The following CATSPERT variants were observed in gnomAD, a reference collection of about 807,000 sequenced individuals.
The protein encoded by CATSPERT is cation channel sperm-associated targeting subunit tau.
the CATSPERT span, chr2:201,565,956 T>G: frequency 9.3e-6 from 12 of 1,285,096 alleles, no homozygotes; most frequent in Admixed American, 2.7e-5. Flanking sequence ...TTTTGAACCC[T>G]TCTCTTTTAC....
chr2:201,487,560 TATC>T, the CATSPERT span: 1 of 1,503,528 alleles, frequency 6.7e-7, no homozygotes, highest in Non-Finnish European at 9.1e-7. Context: ...TGGCCTCACA[TATC>T]ATTCTGAGTT....
At chr2:201,600,283 G>T in the CATSPERT span, among the ~76,000 whole-genome samples, 1 of 152,194 alleles carries the variant, frequency 6.6e-6, no homozygotes, top group Non-Finnish European at 1.5e-5. Context: ...CATGTCCTTT[G>T]CAGGGACATG....
chr2:201,491,801 ATTGAG>A, the CATSPERT span: 15 of 1,536,860 alleles, frequency 9.8e-6, no homozygotes, highest in Middle Eastern at 1.7e-4. Context: ...CAAGCTTTTG[ATTGAG>A]TTATTTTTGA....
At chr2:201,542,294 T>C in the CATSPERT span, among the ~76,000 whole-genome samples, 31 of 152,240 alleles carry the variant, frequency 2.0e-4, no homozygotes, top group Non-Finnish European at 3.5e-4. Context: ...AGGTTGTTTC[T>C]ACATCTTGAC....
At chr2:201,617,021 A>C in the CATSPERT span, among the ~76,000 whole-genome samples, 1 of 152,232 alleles carries the variant, frequency 6.6e-6, no homozygotes, top group Non-Finnish European at 1.5e-5. Context: ...GGTTCTCTTC[A>C]AGGAGAACTA....
At chr2:201,491,402 A>G in the CATSPERT span, 1 of 1,537,232 alleles carries the variant, frequency 6.5e-7, no homozygotes, top group Non-Finnish European at 8.7e-7. Flanking sequence ...ACAACCTTAT[A>G]TTGGAATGAC....
At chr2:201,489,477 G>A in the CATSPERT span, among the ~76,000 whole-genome samples, 1 of 152,148 alleles carries the variant, frequency 6.6e-6, no homozygotes, top group South Asian at 2.1e-4. Context: ...AAAATTGAAA[G>A]TATAAGCTGA....
chr2:201,579,941 T>C, the CATSPERT span, among the ~76,000 whole-genome samples: 1 of 151,144 alleles, frequency 6.6e-6, no homozygotes, highest in Admixed American at 6.6e-5. Flanking sequence ...AGTCTCGAAC[T>C]CCTGGGCTCA....
the CATSPERT span, chr2:201,535,934 T>G: frequency 1.9e-6 from 3 of 1,571,436 alleles, no homozygotes; most frequent in Non-Finnish European, 2.6e-6. Flanking sequence ...CAGCTAAGTT[T>G]AGATTGTTGT....
the CATSPERT span, among the ~76,000 whole-genome samples, chr2:201,595,338 G>A: frequency 6.6e-5 from 10 of 151,840 alleles, no homozygotes; most frequent in South Asian, 8.3e-4. Flanking sequence ...ACAGGCGCCC[G>A]CCACCTCGCC....
chr2:201,495,650 G>A, the CATSPERT span, among the ~76,000 whole-genome samples: 1 of 149,106 alleles, frequency 6.7e-6, no homozygotes, highest in Non-Finnish European at 1.5e-5. Flanking sequence ...TCAAATTCTA[G>A]TGGATACCAA....
At chr2:201,559,181 A>G in the CATSPERT span, among the ~76,000 whole-genome samples, 1 of 152,146 alleles carries the variant, frequency 6.6e-6, no homozygotes, top group South Asian at 2.1e-4. Context: ...TGTACCCCCA[A>G]TAAGGGCCAG....
chr2:201,601,065 T>G, the CATSPERT span, among the ~76,000 whole-genome samples: 2 of 152,096 alleles, frequency 1.3e-5, no homozygotes, highest in Non-Finnish European at 2.9e-5. Context: ...TTAAAAAGTT[T>G]TAAGATACAT....
the CATSPERT span, among the ~76,000 whole-genome samples, chr2:201,537,683 A>C: frequency 1.3e-5 from 2 of 151,920 alleles, no homozygotes; most frequent in Non-Finnish European, 2.9e-5. Flanking sequence ...AAATGATAAC[A>C]TTTCAGATCC....
the CATSPERT span, among the ~76,000 whole-genome samples, chr2:201,542,168 G>C: frequency 1.1e-5 from 1 of 89,150 alleles, no homozygotes; most frequent in Non-Finnish European, 2.8e-5. Flanking sequence ...TATGCCCTAG[G>C]AAACAAAAAA....
the CATSPERT span, among the ~76,000 whole-genome samples, chr2:201,500,294 C>T: frequency 6.6e-6 from 1 of 151,994 alleles, no homozygotes; most frequent in African/African-American, 2.4e-5. Flanking sequence ...GTGGGTAGAT[C>T]ACGAGGTCAG....
chr2:201,581,090 T>C, the CATSPERT span, among the ~76,000 whole-genome samples: 1 of 152,164 alleles, frequency 6.6e-6, no homozygotes, highest in Non-Finnish European at 1.5e-5. Flanking sequence ...CTGTACACGA[T>C]AAATATATGC....
At chr2:201,494,169 G>A in the CATSPERT span, 146 of 1,531,892 alleles carry the variant, frequency 9.5e-5, no homozygotes, top group Middle Eastern at 6.7e-4. Flanking sequence ...TTTCCAATAC[G>A]TTGTCTTCCA....
At chr2:201,492,805 T>G in the CATSPERT span, 1 of 1,536,594 alleles carries the variant, frequency 6.5e-7, no homozygotes. Flanking sequence ...CAGATTTTGA[T>G]AGATTTTTGG....
Sources: gnomAD v4.1 joint callset for allele counts (sites outside exome capture counted in the v4.1 genomes callset) on GRCh38, gnomAD v4.1.1 for gene constraint, MANE v1.5 for transcripts, NCBI Gene and HGNC (gene_info 2026-07-23, HGNC 2026-07-21) for gene names.